Variants in DNAH6 observed in about 807,000 individuals in gnomAD.
The protein encoded by DNAH6 is axonemal beta dynein heavy chain 6.
Under a neutral mutation model 491.4 loss-of-function variants are expected in DNAH6, and 340 were observed. The observed-to-expected ratio is 0.69, with a 90% CI of 0.63 to 0.76. The LOEUF is 0.76. Among genes scored for constraint, DNAH6 ranks in the 30% least tolerant of loss-of-function variants. DNAH6 has a pLI of 0.00. For missense variants in DNAH6, 4,443 were observed against 4,972.2 expected (o/e 0.89, Z 3.20); for synonymous variants, 1,603 against 1,686.1 (o/e 0.95, Z 1.21).
intron 37 of DNAH6, among the ~76,000 whole-genome samples, chr2:84,662,645 C>G (rs977194962): frequency 2.0e-5 from 3 of 152,206 alleles, no homozygotes; most frequent in Non-Finnish European, 2.9e-5. Context: ...TCAAGGAGGC[C>G]TACCTGCCTC....
chr2:84,684,871 G>T (rs531747786), intron 42 of DNAH6, among the ~76,000 whole-genome samples: 2 of 152,318 alleles, frequency 1.3e-5, no homozygotes, highest in East Asian at 3.9e-4. Flanking sequence ...AGCCAGAAGG[G>T]CCAGGGGCAT....
At chr2:84,743,502 C>T (rs979667902) in intron 62 of DNAH6, among the ~76,000 whole-genome samples, 2 of 152,134 alleles carry the variant, frequency 1.3e-5, no homozygotes, top group Non-Finnish European at 2.9e-5. Flanking sequence ...CTAAGTGCTT[C>T]GTGTCCTATT....
At chr2:84,654,635 C>T in intron 34 of DNAH6, 25 bp from the exon 35 acceptor site, 2 of 1,549,828 alleles carry the variant, frequency 1.3e-6, no homozygotes, top group Non-Finnish European at 1.7e-6. Context: ...TTAGCTGTTT[C>T]CTGTTCAATT....
At chr2:84,482,199 A>G in the DNAH6 span, among the ~76,000 whole-genome samples, 1 of 152,246 alleles carries the variant, frequency 6.6e-6, no homozygotes. Context: ...CACTATATAT[A>G]AAATATGGAT....
intron 62 of DNAH6, 25 bp downstream of exon 62, chr2:84,733,604 G>A: frequency 2.6e-6 from 4 of 1,546,998 alleles, no homozygotes; most frequent in Non-Finnish European, 3.5e-6. Context: ...AGAACCTGCT[G>A]AGGAGGCTTA....
chr2:84,720,696 C>T (rs556154653), intron 59 of DNAH6, among the ~76,000 whole-genome samples: 1 of 152,304 alleles, frequency 6.6e-6, no homozygotes, highest in Admixed American at 6.5e-5. Context: ...TCTGCTAAGT[C>T]ATTGCCACCC....
intron 29 of DNAH6, among the ~76,000 whole-genome samples, chr2:84,633,592 C>T (rs1438967663): frequency 6.6e-6 from 1 of 151,892 alleles, no homozygotes; most frequent in Non-Finnish European, 1.5e-5. Context: ...TTTGGAGTTT[C>T]TTAGAGACCT....
Position 84,796,388 on chromosome 2 carries a change from T to G in DNAH6, c.11322T>G (p.Pro3774=). ...LRTILKRFFS[P]ETLEEDYKYS... is the part of the protein sequence containing the mutation. Reference sequence around the variant, plus strand: ...CTATCTTGAAAAGATTTTTTTCTCCTGAAACATTAGAAGAAGATTATAAAT... The same window carrying G: ...CTATCTTGAAAAGATTTTTTTCTCCGGAAACATTAGAAGAAGATTATAAAT... Residue 3774 remains proline (P), a synonymous_variant, in exon 69 of 77, where the codon CCT becomes CCG. Transcript: ENST00000389394. The G allele has an allele frequency of 6.6e-7, 1 of 1,526,506 alleles. No individual in the cohort carries two copies. Among genetic ancestry groups the G allele is most frequent in the East Asian group, 2.5e-5 (1 of 40,284 alleles). The allele number at this position is 1,526,506 out of a possible 1,614,324, so 94.6% of individuals were successfully genotyped here.
At chr2:84,669,542 T>C (rs1692510651) in intron 38 of DNAH6, 32 bp downstream of exon 38, 1 of 1,510,242 alleles carries the variant, frequency 6.6e-7, no homozygotes, top group Non-Finnish European at 9.0e-7. Context: ...AGAAGTCCTC[T>C]CCAAATGTGA....
chr2:84,689,158 CTGCCTCCTG>C (rs1403802144), intron 45 of DNAH6, among the ~76,000 whole-genome samples: 1 of 152,236 alleles, frequency 6.6e-6, no homozygotes, highest in Non-Finnish European at 1.5e-5. Flanking sequence ...AAGCCAACAT[CTGCCTCCTG>C]TGCTTCTGGT....
intron 71 of DNAH6, among the ~76,000 whole-genome samples, chr2:84,807,345 C>T (rs1439368005): frequency 2.0e-5 from 3 of 152,156 alleles, no homozygotes; most frequent in Non-Finnish European, 2.9e-5. Context: ...TTCTCAAATA[C>T]GCAAGAAAAA....
rs576264161 is a variant in DNAH6 at position 84,812,684 on chromosome 2, T to C, written c.11925+158T>C. On this transcript the variant is annotated intron_variant, in intron 73 of 76. Coordinates refer to ENST00000389394, the MANE Select transcript of DNAH6 (RefSeq NM_001370.2). Reference sequence around the variant, plus strand: ...GAATGGCATCACTTTAAAAGTCTTATACTGATTATAATATCGTTTGCCCTA... The same window carrying C: ...GAATGGCATCACTTTAAAAGTCTTACACTGATTATAATATCGTTTGCCCTA... 7.2e-5 allele frequency among the ~76,000 whole-genome samples: 11 copies of C among 152,362 alleles called. 1 individual carries two copies. The highest frequency in any genetic ancestry group is 1.7e-4 in the African/African-American group (7 of 41,582).
the DNAH6 span, among the ~76,000 whole-genome samples, chr2:84,501,450 C>A: frequency 6.6e-6 from 1 of 151,470 alleles, no homozygotes; most frequent in Admixed American, 6.6e-5. Context: ...GGATTTCTTA[C>A]ATCAAAATTT....
the DNAH6 span, among the ~76,000 whole-genome samples, chr2:84,500,888 T>G: frequency 6.6e-6 from 1 of 152,220 alleles, no homozygotes; most frequent in Non-Finnish European, 1.5e-5. Context: ...ATCCTGCAAC[T>G]TTACTGAATT....
the DNAH6 span, among the ~76,000 whole-genome samples, chr2:84,467,210 C>G: frequency 6.6e-6 from 1 of 151,798 alleles, no homozygotes; most frequent in East Asian, 1.9e-4. Context: ...TCAGATTTAT[C>G]CTAACTTAAA....
At chr2:84,608,555 A>G (rs1413787630) in intron 21 of DNAH6, among the ~76,000 whole-genome samples, 1 of 152,196 alleles carries the variant, frequency 6.6e-6, no homozygotes, top group Non-Finnish European at 1.5e-5. Flanking sequence ...GAGCAGTAAT[A>G]TTTTGAAAGA....
At chr2:84,491,245 G>A in the DNAH6 span, among the ~76,000 whole-genome samples, 4 of 152,180 alleles carry the variant, frequency 2.6e-5, no homozygotes, top group African/African-American at 7.2e-5. Context: ...CAACGTATGT[G>A]AGTTCCAGTT....
chr2:84,807,581 G>A (rs1345974409), intron 71 of DNAH6, among the ~76,000 whole-genome samples: 1 of 152,182 alleles, frequency 6.6e-6, no homozygotes, highest in Non-Finnish European at 1.5e-5. Context: ...GTGCAGGTGA[G>A]CAGGGAAGTG....
At chr2:84,730,927 G>A (rs1339211178) in intron 61 of DNAH6, among the ~76,000 whole-genome samples, 1 of 152,116 alleles carries the variant, frequency 6.6e-6, no homozygotes, top group Admixed American at 6.5e-5. Context: ...GATTTATCTA[G>A]GATCAAGATG....
Sources: allele counts gnomAD v4.1 joint callset (sites outside exome capture counted in the v4.1 genomes callset), GRCh38; gene constraint gnomAD v4.1.1; transcripts MANE v1.5; gene names NCBI Gene and HGNC (gene_info 2026-07-23, HGNC 2026-07-21).